Variants in LRCH3 observed in about 807,000 individuals in gnomAD.
LRCH3 encodes the protein DISP complex protein LRCH3.
Under a neutral mutation model 104.5 loss-of-function variants are expected in LRCH3, and 68 were observed. The observed-to-expected ratio is 0.65, with a 90% confidence interval of 0.54 to 0.80. LRCH3 has a LOEUF of 0.80. LRCH3 is among the 30% of genes least tolerant of loss of function. LRCH3 has a pLI of 0.00. For synonymous variants in LRCH3, 344 were observed against 361.3 expected (o/e 0.95, Z 0.54); for missense variants, 951 against 953.9 (o/e 1.00, Z 0.04).
intron 12 of LRCH3, 104 bp from the exon 13 acceptor site, chr3:197,852,457 A>G: frequency 1.8e-6 from 2 of 1,125,704 alleles, no homozygotes; most frequent in South Asian, 2.8e-5. Context: ...AACAAGAGGT[A>G]AAAAAATTAA....
intron 10 of LRCH3, 84 bp downstream of exon 10, chr3:197,839,481 G>A (rs142318009): frequency 9.3e-6 from 7 of 752,800 alleles, no homozygotes; most frequent in Non-Finnish European, 1.3e-5. Flanking sequence ...AGATCTGTGT[G>A]TAATAAAGAT....
rs117631337 is a variant in LRCH3 at position 197,834,634 on chromosome 3, C to T, written c.1103-1040C>T. On this transcript the variant is annotated intron_variant, in intron 8 of 20. Coordinates refer to ENST00000425562, the MANE Select transcript of LRCH3 (RefSeq NM_001365715.1). Reference sequence around the variant, plus strand: ...GATATTAAGCCCCAGACCTAAAACACGAAAACACAAAGATGCACCTTTCAG... The same window carrying T: ...GATATTAAGCCCCAGACCTAAAACATGAAAACACAAAGATGCACCTTTCAG... Among the ~76,000 whole-genome samples, 20 of 152,270 alleles carry T rather than the reference C, an allele frequency of 1.3e-4. 1 individual carries two copies. The East Asian group carries it at 2.9e-3, about 22-fold the overall frequency.
intron 4 of LRCH3, among the ~76,000 whole-genome samples, chr3:197,821,563 A>G (rs1734492892): frequency 6.6e-6 from 1 of 152,230 alleles, no homozygotes; most frequent in African/African-American, 2.4e-5. Flanking sequence ...TTTGAATCAA[A>G]TACAGAAATT....
chr3:197,830,794 C>T lies in LRCH3; in HGVS notation c.912C>T (p.Arg304=). 1 of 1,613,960 alleles carries T rather than the reference C, an allele frequency of 6.2e-7. No homozygotes were observed. The highest frequency in any genetic ancestry group is 8.5e-7 in the Non-Finnish European group (1 of 1,179,908). ...GSCHEELYSS[R]PYGALDSGFN... ...GCCATGAAGAACTGTACTCAAGTCGCCCTTATGGAGCCCTTGATTCAGGCT... is the reference window on the plus strand; with the variant it reads ...GCCATGAAGAACTGTACTCAAGTCGTCCTTATGGAGCCCTTGATTCAGGCT... The change falls in exon 7 of 21, where the codon CGC becomes CGT. Residue 304 remains arginine, a synonymous_variant. Coordinates refer to ENST00000425562, the MANE Select transcript of LRCH3 (RefSeq NM_001365715.1).
rs1444604249 is a variant in LRCH3, at chr3:197,883,991, G to A, written c.*325G>A. 2 of 241,436 alleles carry A rather than the reference G, an allele frequency of 8.3e-6. No homozygotes were observed. The highest frequency in any genetic ancestry group is 4.5e-5 in the African/African-American group (2 of 44,282). 15.0% of individuals were successfully genotyped at this position (241,436 alleles called of 1,614,324 possible). A position where few individuals can be genotyped will look rare whatever the true frequency, so the allele number is the denominator to read the frequency against. On this transcript the variant is annotated 3_prime_UTR_variant, in exon 21 of 21. Coordinates refer to ENST00000425562, the MANE Select transcript of LRCH3 (RefSeq NM_001365715.1). This position sits in a 1 kb window ranked among gnomAD's most constrained non-coding sequence, Gnocchi z 4.2. ...AGCACATCTTCTGTGTTAGGCACAA[G>A]CATGCTGTGCCATTGTTTTTACCTG...
chr3:197,831,167 C>T (rs560291925), intron 7 of LRCH3: 4 of 259,160 alleles, frequency 1.5e-5, no homozygotes, highest in Admixed American at 4.9e-5. Context: ...GGGGTAATCT[C>T]GAGCAGAGGT....
intron 1 of LRCH3, among the ~76,000 whole-genome samples, chr3:197,808,885 C>T (rs1351233589): frequency 7.6e-6 from 1 of 131,612 alleles, no homozygotes; most frequent in East Asian, 2.5e-4. Context: ...ACCTGGGTGA[C>T]AGTGAGACTG....
intron 15 of LRCH3, among the ~76,000 whole-genome samples, chr3:197,862,872 G>C (rs1741046618): frequency 6.6e-6 from 1 of 152,192 alleles, no homozygotes; most frequent in African/African-American, 2.4e-5. Flanking sequence ...TACGAGCTCA[G>C]CTCACTGTTT....
rs1051946125 is a variant in LRCH3 at position 197,858,884 on chromosome 3, T to G, written c.1695T>G (p.Ser565=). ...GCTGTGCTGCTACCCTGCCTCATTC[T>G]TCTGCCTTCACGCCTCTTAAGGTAT... ...QVGCAATLPH[S]SAFTPLKSDD... is the part of the protein sequence containing the mutation. Residue 565 remains serine (S), a synonymous_variant, in exon 15 of 21, where the codon TCT becomes TCG. Coordinates refer to ENST00000425562, the MANE Select transcript of LRCH3 (RefSeq NM_001365715.1). 1.9e-6 allele frequency: 3 copies of G among 1,613,838 alleles called. No homozygotes were observed. The highest frequency in any genetic ancestry group is 1.6e-4 in the Middle Eastern group (1 of 6,084).
At chr3:197,870,765 C>T (rs759441449) in intron 18 of LRCH3, among the ~76,000 whole-genome samples, 14 of 150,922 alleles carry the variant, frequency 9.3e-5, no homozygotes, top group Non-Finnish European at 2.1e-4. Context: ...CGTGAGCTTC[C>T]GCGCCCGGCT....
intron 11 of LRCH3, among the ~76,000 whole-genome samples, 179 bp from the exon 12 acceptor site, chr3:197,847,693 A>G (rs1238501150): frequency 1.4e-3 from 1 of 698 alleles, no homozygotes; most frequent in Non-Finnish European, 3.0e-3. Context: ...CCAACCTAAT[A>G]CATATAAGAA....
intron 19 of LRCH3, among the ~76,000 whole-genome samples, chr3:197,872,856 CAAAAG>C (rs1712387464): frequency 6.6e-6 from 1 of 151,332 alleles, no homozygotes; most frequent in Non-Finnish European, 1.5e-5. Context: ...GACTCTGTCT[CAAAAG>C]AAAAAAAGGG....
intron 20 of LRCH3, among the ~76,000 whole-genome samples, chr3:197,877,847 G>A (rs1171572588): frequency 6.6e-6 from 1 of 151,700 alleles, no homozygotes; most frequent in East Asian, 1.9e-4. Context: ...TGATTCCTAT[G>A]GACAAATTGA....
chr3:197,851,608 C>T (rs906354280), intron 12 of LRCH3, among the ~76,000 whole-genome samples: 3 of 152,110 alleles, frequency 2.0e-5, no homozygotes, highest in South Asian at 2.1e-4. Flanking sequence ...AGCTACTGAG[C>T]CATTTTATGC....
At chr3:197,796,513 T>A (rs1170851299) in intron 1 of LRCH3, among the ~76,000 whole-genome samples, 1 of 152,228 alleles carries the variant, frequency 6.6e-6, no homozygotes, top group Non-Finnish European at 1.5e-5. Context: ...GAGTCCAAGA[T>A]CACTGTTAAA....
intron 10 of LRCH3, among the ~76,000 whole-genome samples, chr3:197,842,066 T>C (rs1737886605): frequency 6.6e-6 from 1 of 152,084 alleles, no homozygotes. Flanking sequence ...GACTCCCAGA[T>C]TGAAGTACTA....
chr3:197,809,272 G>A (rs1732847675), intron 1 of LRCH3, among the ~76,000 whole-genome samples: 1 of 151,782 alleles, frequency 6.6e-6, no homozygotes, highest in Non-Finnish European at 1.5e-5. Context: ...CACTCCAGCT[G>A]GGGTAACAGA....
intron 17 of LRCH3, among the ~76,000 whole-genome samples, chr3:197,869,131 A>G (rs951121140): frequency 2.0e-5 from 3 of 152,248 alleles, no homozygotes; most frequent in African/African-American, 7.2e-5. Flanking sequence ...AGTGGAAAGC[A>G]ATATACTGTA....
intron 1 of LRCH3, among the ~76,000 whole-genome samples, chr3:197,791,943 C>T (rs941318476): frequency 6.6e-6 from 1 of 152,102 alleles, no homozygotes; most frequent in Non-Finnish European, 1.5e-5. Context: ...GCAGGGGTGT[C>T]TGGACGAGCT....
Sources: gnomAD v4.1 joint callset for allele counts (sites outside exome capture counted in the v4.1 genomes callset) on GRCh38, gnomAD v4.1.1 for gene constraint, Gnocchi (gnomAD v3.1) non-coding constraint, MANE v1.5 for transcripts, NCBI Gene and HGNC (gene_info 2026-07-23, HGNC 2026-07-21) for gene names.